The following HMGCLL1 variants were observed in gnomAD, a reference collection of about 807,000 sequenced individuals.
The protein encoded by HMGCLL1 is 3-hydroxymethyl-3-methylglutaryl-CoA lyase, cytoplasmic.
In HMGCLL1, 36 loss-of-function variants were observed where a neutral mutation model predicts 39.1. That is an observed-to-expected ratio of 0.92 (90% CI 0.71 to 1.22). The LOEUF is 1.22. Among genes scored for constraint, HMGCLL1 ranks in the 50% most tolerant of loss-of-function variants. HMGCLL1 has a pLI of 0.00. For missense variants in HMGCLL1, 451 were observed against 416.5 expected (o/e 1.08, Z -0.72); for synonymous variants, 149 against 144.0 (o/e 1.03, Z -0.25).
rs1225990640 is a variant in HMGCLL1, at chr6:55,476,969, G to A, written c.795+18450C>T. ...TCTTAAATCAAATTATGAATTCGCTGTCCTTATGTGTAAGCCTTGTTTATA... is the reference window on the plus strand; with the variant it reads ...TCTTAAATCAAATTATGAATTCGCTATCCTTATGTGTAAGCCTTGTTTATA... On this transcript the variant is annotated intron_variant, in intron 7 of 8. Coordinates refer to ENST00000274901, the MANE Select transcript of HMGCLL1 (RefSeq NM_001042406.2). Among the ~76,000 whole-genome samples the A allele has an allele frequency of 1.8e-5, 2 of 111,154 alleles. 1 individual carries two copies. Among genetic ancestry groups the A allele is most frequent in the Admixed American group, 2.1e-4 (2 of 9,714 alleles). 72.9% of individuals were successfully genotyped at this position (111,154 alleles called of 152,430 possible).
In HMGCLL1 at chr6:55,435,154, A is replaced by C. The variant is rs913992267; in HGVS notation, c.*508T>G. 1 of 152,594 alleles carries C rather than the reference A, an allele frequency of 6.6e-6. No homozygotes were observed. Among genetic ancestry groups the C allele is most frequent in the Admixed American group, 6.6e-5 (1 of 15,242 alleles). 9.5% of individuals were successfully genotyped at this position (152,594 alleles called of 1,614,324 possible). On this transcript the variant is annotated 3_prime_UTR_variant, in exon 9 of 9. Coordinates refer to ENST00000274901, the MANE Select transcript of HMGCLL1 (RefSeq NM_001042406.2). ...ATATAAAAGTTCTATTGCTAAAATT[A>C]TGTAGGGTCAGATGGAGATTTGGCT... is the stretch of plus-strand genomic sequence containing the variant.
intron 2 of HMGCLL1, 65 bp from the exon 3 acceptor site, chr6:55,541,901 T>C: frequency 9.4e-7 from 1 of 1,061,244 alleles, no homozygotes. Flanking sequence ...AAACAGAAAA[T>C]TACTTCCTAA....
intron 1 of HMGCLL1, among the ~76,000 whole-genome samples, chr6:55,543,870 CTAAATAAA>C (rs892944225): frequency 6.6e-6 from 1 of 151,632 alleles, no homozygotes; most frequent in South Asian, 2.1e-4. Flanking sequence ...TAGACCCTGT[CTAAATAAA>C]TAAATAACTC....
chr6:55,494,669 A>G (rs958134311), intron 7 of HMGCLL1, among the ~76,000 whole-genome samples: 2 of 152,136 alleles, frequency 1.3e-5, no homozygotes, highest in African/African-American at 4.8e-5. Context: ...TCAGCCTCCA[A>G]CCAGAAAGCT....
rs1227464161 is a variant in HMGCLL1, at chr6:55,506,084, T to C, written c.543-6785A>G. 2.0e-5 allele frequency among the ~76,000 whole-genome samples: 3 copies of C among 151,730 alleles called. No homozygotes were observed. The Admixed American group carries it at 2.0e-4, about 10-fold the overall frequency. On this transcript the variant is annotated intron_variant, in intron 5 of 8. Coordinates refer to ENST00000274901, the MANE Select transcript of HMGCLL1 (RefSeq NM_001042406.2). The stretch of plus-strand genomic sequence containing the variant: ...CAAACTGTCTGTCCAACTTGAAGGC[T>C]GGGTCTTTCTACTACATCAGTTGAG...
At chr6:55,529,825 A>T (rs1360231703) in intron 3 of HMGCLL1, among the ~76,000 whole-genome samples, 2 of 152,264 alleles carry the variant, frequency 1.3e-5, no homozygotes, top group African/African-American at 4.8e-5. Context: ...ATTATTCAAC[A>T]TTTGGGTCCA....
At chr6:55,677,823 A>T in the HMGCLL1 span, among the ~76,000 whole-genome samples, 1 of 152,316 alleles carries the variant, frequency 6.6e-6, no homozygotes, top group Admixed American at 6.5e-5. Flanking sequence ...ATTCTTATTT[A>T]TTTCACCTAA....
chr6:55,651,148 G>T, the HMGCLL1 span, among the ~76,000 whole-genome samples: 1 of 151,974 alleles, frequency 6.6e-6, no homozygotes, highest in African/African-American at 2.4e-5. Context: ...AAATGTGCTG[G>T]GTCTCCCCTA....
intron 7 of HMGCLL1, among the ~76,000 whole-genome samples, chr6:55,459,976 T>A (rs1764486963): frequency 6.6e-6 from 1 of 152,028 alleles, no homozygotes; most frequent in African/African-American, 2.4e-5. Context: ...TCATTTCAGC[T>A]AATGTCTATA....
chr6:55,595,253 G>A, the HMGCLL1 span, among the ~76,000 whole-genome samples: 1 of 152,252 alleles, frequency 6.6e-6, no homozygotes, highest in African/African-American at 2.4e-5. Flanking sequence ...TAAGTAGAGA[G>A]ATGAAATATA....
At chr6:55,662,936 A>T in the HMGCLL1 span, among the ~76,000 whole-genome samples, 1 of 151,216 alleles carries the variant, frequency 6.6e-6, no homozygotes, top group Non-Finnish European at 1.5e-5. Flanking sequence ...TGTGTCCATG[A>T]GTTTATATAT....
chr6:55,516,069 TAA>T (rs1465132239), intron 4 of HMGCLL1, among the ~76,000 whole-genome samples: 1 of 151,972 alleles, frequency 6.6e-6, no homozygotes, highest in Non-Finnish European at 1.5e-5. Flanking sequence ...TAGAGCCAGA[TAA>T]AATGACAATT....
At chr6:55,542,800 TTA>T (rs199633561) in intron 1 of HMGCLL1, among the ~76,000 whole-genome samples, 6 of 138,146 alleles carry the variant, frequency 4.3e-5, no homozygotes, top group Admixed American at 2.4e-4. Flanking sequence ...ATACCTATAT[TTA>T]TATATATATA....
At chr6:55,675,219 A>G in the HMGCLL1 span, among the ~76,000 whole-genome samples, 1 of 152,116 alleles carries the variant, frequency 6.6e-6, no homozygotes, top group Non-Finnish European at 1.5e-5. Flanking sequence ...AGAAGTTTCG[A>G]TAGTAAATTT....
chr6:55,624,018 A>G, the HMGCLL1 span, among the ~76,000 whole-genome samples: 1 of 152,098 alleles, frequency 6.6e-6, no homozygotes, highest in Non-Finnish European at 1.5e-5. Context: ...TTTTGGATCC[A>G]CTGTAATCAA....
At chr6:55,629,007 G>A in the HMGCLL1 span, among the ~76,000 whole-genome samples, 10 of 152,228 alleles carry the variant, frequency 6.6e-5, no homozygotes, top group South Asian at 2.1e-4. Flanking sequence ...CAGTAAATTG[G>A]TATCAGTATA....
chr6:55,447,142 GCCACGCTTATTT>G (rs1248622928), intron 7 of HMGCLL1, among the ~76,000 whole-genome samples: 1 of 151,764 alleles, frequency 6.6e-6, no homozygotes, highest in Admixed American at 6.6e-5. Context: ...TAGTTCAGTG[GCCACGCTTATTT>G]CCAATAAGCC....
the HMGCLL1 span, among the ~76,000 whole-genome samples, chr6:55,609,573 A>C: frequency 6.6e-6 from 1 of 152,122 alleles, no homozygotes; most frequent in Non-Finnish European, 1.5e-5. Context: ...GCCTCCATGG[A>C]CCAGCAGACT....
intron 1 of HMGCLL1, chr6:55,577,009 G>C: frequency 6.3e-7 from 1 of 1,588,940 alleles, no homozygotes; most frequent in Non-Finnish European, 8.6e-7. Flanking sequence ...TCAAATCAGT[G>C]AGTGTAGATT....
Sources: allele counts gnomAD v4.1 joint callset (sites outside exome capture counted in the v4.1 genomes callset), GRCh38; gene constraint gnomAD v4.1.1; transcripts MANE v1.5; gene names NCBI Gene and HGNC (gene_info 2026-07-23, HGNC 2026-07-21).